PDE1A: variants seen among roughly 807,000 people sequenced by gnomAD.
The protein encoded by PDE1A is phosphodiesterase 1A.
PDE1A carries 35 observed loss-of-function variants against 61.7 expected under a neutral mutation model. The ratio of observed to expected loss-of-function variants is 0.57; its 90% CI spans 0.43 to 0.75. The LOEUF (loss-of-function observed/expected upper bound fraction) is 0.75. PDE1A is among the 30% of genes least tolerant of loss of function. The pLI is 0.00. For missense variants in PDE1A, 597 were observed against 630.6 expected, an observed-to-expected ratio of 0.95 and a Z score of 0.57; for synonymous variants, 232 against 213.2, an observed-to-expected ratio of 1.09 and a Z score of -0.77.
chr2:182,513,058 C>T (rs1021133642), intron 2 of PDE1A, among the ~76,000 whole-genome samples: 3 of 152,096 alleles, frequency 2.0e-5, no homozygotes, highest in Non-Finnish European at 4.4e-5. Context: ...TTTTCCCAAC[C>T]TCACTAGAGA....
chr2:182,441,709 A>T (rs1159245738), intron 2 of PDE1A, among the ~76,000 whole-genome samples: 1 of 152,058 alleles, frequency 6.6e-6, no homozygotes, highest in Admixed American at 6.6e-5. Context: ...GTGCAAGATA[A>T]ATCTGGAATA....
At chr2:182,712,487 C>G in the PDE1A span, among the ~76,000 whole-genome samples, 1 of 152,198 alleles carries the variant, frequency 6.6e-6, no homozygotes, top group Non-Finnish European at 1.5e-5. Context: ...AACTTACTCA[C>G]AAATGGTTGA....
chr2:182,537,425 A>C, the PDE1A span, among the ~76,000 whole-genome samples: 1 of 152,114 alleles, frequency 6.6e-6, no homozygotes, highest in African/African-American at 2.4e-5. Context: ...GCATGTTCTC[A>C]CTCATAACTG....
the PDE1A span, among the ~76,000 whole-genome samples, chr2:182,699,254 C>T: frequency 6.6e-6 from 1 of 152,160 alleles, no homozygotes; most frequent in Non-Finnish European, 1.5e-5. Flanking sequence ...ACTATTCATA[C>T]CTTCAGAAAG....
chr2:182,698,138 A>G, the PDE1A span, among the ~76,000 whole-genome samples: 1 of 152,256 alleles, frequency 6.6e-6, no homozygotes, highest in Non-Finnish European at 1.5e-5. Flanking sequence ...TATAAGTAAC[A>G]GAATACCAGC....
At chr2:182,425,916 C>T (rs1287646546) in intron 1 of PDE1A, among the ~76,000 whole-genome samples, 1 of 152,062 alleles carries the variant, frequency 6.6e-6, no homozygotes, top group Admixed American at 6.6e-5. Flanking sequence ...TAATAGGTAA[C>T]TAAAGAATCC....
chr2:182,549,674 A>C, the PDE1A span, among the ~76,000 whole-genome samples: 1 of 152,166 alleles, frequency 6.6e-6, no homozygotes, highest in Admixed American at 6.5e-5. Context: ...GACATGGAAT[A>C]CAGAAGACAG....
intron 1 of PDE1A, among the ~76,000 whole-genome samples, chr2:182,333,447 C>A (rs1036372864): frequency 1.3e-5 from 2 of 152,174 alleles, no homozygotes; most frequent in African/African-American, 2.4e-5. Flanking sequence ...CGCACAATTA[C>A]ATGGAAACTG....
the PDE1A span, among the ~76,000 whole-genome samples, chr2:182,695,682 A>G: frequency 0.031 from 2,984 of 94,758 alleles, 112 homozygotes; most frequent in African/African-American, 0.096. Context: ...AAAAAAAAAA[A>G]AAAGAAAAAG....
chr2:182,242,943 G>GTGTT (rs1553550799), intron 2 of PDE1A, among the ~76,000 whole-genome samples: 5 of 137,386 alleles, frequency 3.6e-5, no homozygotes, highest in African/African-American at 1.1e-4. Flanking sequence ...GTATGTGTGT[G>GTGTT]TGTGTGTTGT....
intron 1 of PDE1A, among the ~76,000 whole-genome samples, chr2:182,295,615 A>C (rs1457161759): frequency 6.6e-6 from 1 of 152,224 alleles, no homozygotes; most frequent in African/African-American, 2.4e-5. Flanking sequence ...GCTTAATTTC[A>C]GAATTTTAAA....
intron 1 of PDE1A, among the ~76,000 whole-genome samples, chr2:182,309,506 TAGA>T (rs1315381196): frequency 6.6e-6 from 1 of 152,086 alleles, no homozygotes; most frequent in East Asian, 1.9e-4. Context: ...AGAAGAAACT[TAGA>T]AGGCCAGCTT....
chr2:182,392,083 G>C (rs1435141144), intron 1 of PDE1A, among the ~76,000 whole-genome samples: 1 of 152,122 alleles, frequency 6.6e-6, no homozygotes, highest in African/African-American at 2.4e-5. Flanking sequence ...TCCCCAGGGA[G>C]ACATCCAGCC....
intron 1 of PDE1A, among the ~76,000 whole-genome samples, chr2:182,312,111 T>A (rs1357879388): frequency 6.6e-6 from 1 of 152,168 alleles, no homozygotes; most frequent in Non-Finnish European, 1.5e-5. Flanking sequence ...TTTTAAATTT[T>A]TTTCCCATTT....
chr2:182,619,339 G>A, the PDE1A span, among the ~76,000 whole-genome samples: 21 of 152,108 alleles, frequency 1.4e-4, no homozygotes, highest in East Asian at 2.9e-3. Flanking sequence ...CCAGAAAAAC[G>A]CTATAGATCC....
At chr2:182,518,110 T>C (rs1291617989) in intron 2 of PDE1A, among the ~76,000 whole-genome samples, 1 of 152,164 alleles carries the variant, frequency 6.6e-6, no homozygotes, top group African/African-American at 2.4e-5. Flanking sequence ...GCTTTAAAGG[T>C]GTTTAAGCAG....
upstream of PDE1A, among the ~76,000 whole-genome samples, chr2:182,525,056 AT>A (rs1215971173): frequency 6.6e-6 from 1 of 151,974 alleles, no homozygotes; most frequent in Non-Finnish European, 1.5e-5. Context: ...GAATTATGTG[AT>A]TTTTTACAAG....
At chr2:182,284,156 T>A (rs1307414678) in intron 1 of PDE1A, among the ~76,000 whole-genome samples, 1 of 152,098 alleles carries the variant, frequency 6.6e-6, no homozygotes, top group African/African-American at 2.4e-5. Flanking sequence ...AACAGAAGGA[T>A]ATAACCTGAG....
intron 1 of PDE1A, among the ~76,000 whole-genome samples, chr2:182,337,187 C>A (rs919115766): frequency 1.3e-5 from 2 of 151,774 alleles, no homozygotes; most frequent in Admixed American, 1.3e-4. Flanking sequence ...AAGTGCACAA[C>A]CTCAAAGGTA....
Sources: allele counts gnomAD v4.1 joint callset (sites outside exome capture counted in the v4.1 genomes callset), GRCh38; gene constraint gnomAD v4.1.1; transcripts MANE v1.5; gene names NCBI Gene and HGNC (gene_info 2026-07-23, HGNC 2026-07-21).